Variants in CSMD3 observed in about 807,000 individuals in gnomAD.
CSMD3 encodes CUB and sushi domain-containing protein 3.
Under a neutral mutation model 435.2 loss-of-function variants are expected in CSMD3, and 177 were observed. The observed-to-expected ratio is 0.41, with a 90% CI of 0.36 to 0.46. The LOEUF (loss-of-function observed/expected upper bound fraction) is 0.46. Among genes scored for constraint, CSMD3 ranks in the 20% least tolerant of loss-of-function variants. The probability of loss-of-function intolerance (pLI) is 0.34; values close to 1 mark genes in which losing one functional copy is unlikely to be tolerated. For synonymous variants in CSMD3, 1,656 were observed against 1,520.5 expected, an observed-to-expected ratio of 1.09 and a Z score of -2.07; for missense variants, 4,265 against 4,504.6, an observed-to-expected ratio of 0.95 and a Z score of 1.52.
intron 36 of CSMD3, among the ~76,000 whole-genome samples, chr8:112,385,590 A>C (rs1428106383): frequency 3.9e-5 from 6 of 152,184 alleles, no homozygotes; most frequent in Non-Finnish European, 8.8e-5. Flanking sequence ...GTAATATTTC[A>C]ATATGTATTG....
intron 3 of CSMD3, among the ~76,000 whole-genome samples, chr8:113,211,467 A>C (rs2092833685): frequency 6.6e-6 from 1 of 152,122 alleles, no homozygotes; most frequent in Non-Finnish European, 1.5e-5. Flanking sequence ...AACAAAATGG[A>C]TCACTTGAGG....
chr8:112,850,614 C>A (rs1016408358), intron 11 of CSMD3, among the ~76,000 whole-genome samples: 8 of 152,284 alleles, frequency 5.3e-5, no homozygotes, highest in Admixed American at 3.3e-4. Flanking sequence ...TGAAACAGAT[C>A]ATAGTTTTTG....
intron 4 of CSMD3, among the ~76,000 whole-genome samples, chr8:113,103,608 T>C (rs571184609): frequency 4.6e-5 from 7 of 152,246 alleles, no homozygotes; most frequent in East Asian, 1.9e-4. Flanking sequence ...TCTTAGTGAA[T>C]TTAAATCTAT....
intron 5 of CSMD3, among the ~76,000 whole-genome samples, chr8:113,097,470 T>C (rs565455383): frequency 1.3e-5 from 2 of 152,134 alleles, no homozygotes; most frequent in South Asian, 4.1e-4. Flanking sequence ...GTATCATCCT[T>C]CTAAGTCCAG....
chr8:112,473,534 T>C lies in CSMD3; in HGVS notation c.5279-827A>G, dbSNP rs149521322. Among the ~76,000 whole-genome samples the C allele has an allele frequency of 2.3e-3, 344 of 152,082 alleles. 4 individuals carry two copies. The highest frequency in any genetic ancestry group is 7.9e-3 in the African/African-American group (326 of 41,516). On this transcript the variant is annotated intron_variant, in intron 31 of 70. Transcript: ENST00000297405. ...CCAAAGGTTTAAAATCAGATAAAGA[T>C]TGGGTAGCTACAGAGAAATTATTAT...
chr8:113,153,461 T>A (rs2091872579), intron 4 of CSMD3, among the ~76,000 whole-genome samples: 1 of 152,042 alleles, frequency 6.6e-6, no homozygotes, highest in Non-Finnish European at 1.5e-5. Flanking sequence ...TAATGGGCAG[T>A]GGGACTATGA....
At chr8:112,950,762 G>T (rs532663636) in intron 8 of CSMD3, among the ~76,000 whole-genome samples, 3 of 151,944 alleles carry the variant, frequency 2.0e-5, no homozygotes, top group Non-Finnish European at 4.4e-5. Flanking sequence ...CAGGCAGTCT[G>T]ATTTGAGAAA....
intron 3 of CSMD3, among the ~76,000 whole-genome samples, chr8:113,268,044 A>G (rs2093486794): frequency 6.6e-6 from 1 of 151,762 alleles, no homozygotes; most frequent in African/African-American, 2.4e-5. Flanking sequence ...TCCATAATAA[A>G]TGATTCCTAA....
At chr8:112,291,836 T>G in intron 55 of CSMD3, 141 bp from the exon 56 acceptor site, 1 of 630,196 alleles carries the variant, frequency 1.6e-6, no homozygotes. Flanking sequence ...ATTAATCCCA[T>G]GGATTATCTA....
intron 24 of CSMD3, among the ~76,000 whole-genome samples, chr8:112,569,946 A>T (rs1829374273): frequency 6.6e-6 from 1 of 152,154 alleles, no homozygotes. Flanking sequence ...TGATTCTGTC[A>T]ATGTGAGTAC....
At chr8:113,001,643 G>A (rs2085868095) in intron 6 of CSMD3, among the ~76,000 whole-genome samples, 1 of 151,954 alleles carries the variant, frequency 6.6e-6, no homozygotes, top group Non-Finnish European at 1.5e-5. Flanking sequence ...TCTTTGGTCT[G>A]TTTAATGTGT....
chr8:112,398,068 G>A (rs1203772509), intron 35 of CSMD3, among the ~76,000 whole-genome samples: 1 of 152,122 alleles, frequency 6.6e-6, no homozygotes, highest in Non-Finnish European at 1.5e-5. Flanking sequence ...GACAGGCACG[G>A]GACAGATATT....
intron 63 of CSMD3, 42 bp from the exon 64 acceptor site, chr8:112,247,173 C>A (rs1186346191): frequency 8.2e-7 from 1 of 1,221,482 alleles, no homozygotes; most frequent in Admixed American, 1.7e-5. Flanking sequence ...TCCCCTACAA[C>A]TTCAAATATG....
chr8:113,193,352 T>A (rs2092611893), intron 3 of CSMD3, among the ~76,000 whole-genome samples: 1 of 151,400 alleles, frequency 6.6e-6, no homozygotes, highest in Admixed American at 6.6e-5. Context: ...TTTCAAGCAA[T>A]CTTCCTGCTT....
At chr8:112,550,933 A>G in intron 26 of CSMD3, 60 bp from the exon 27 acceptor site, 11 of 1,263,646 alleles carry the variant, frequency 8.7e-6, no homozygotes, top group Non-Finnish European at 1.0e-5. Flanking sequence ...TAAAGAAAAA[A>G]TAGAACAAAT....
At chr8:112,532,491 G>A (rs2198362) in intron 27 of CSMD3, among the ~76,000 whole-genome samples, 32,102 of 151,984 alleles carry the variant, frequency 0.21, 4,092 homozygotes, top group East Asian at 0.47. Context: ...ACATATCAAT[G>A]AGCTATGATA....
At chr8:112,289,304 A>G (rs562220018) in intron 57 of CSMD3, 61 bp downstream of exon 57, 314 of 1,255,104 alleles carry the variant, frequency 2.5e-4, no homozygotes, top group Non-Finnish European at 3.4e-4. Context: ...ATACGTTGCT[A>G]CTACTACTAC....
At chr8:112,423,057 G>T (rs1187673724) in intron 32 of CSMD3, among the ~76,000 whole-genome samples, 1 of 152,104 alleles carries the variant, frequency 6.6e-6, no homozygotes, top group African/African-American at 2.4e-5. Flanking sequence ...GTGTATTGCT[G>T]AAGGAACACA....
intron 1 of CSMD3, among the ~76,000 whole-genome samples, chr8:113,337,337 A>T (rs2094084159): frequency 6.6e-6 from 1 of 152,126 alleles, no homozygotes; most frequent in Non-Finnish European, 1.5e-5. Flanking sequence ...ATATTCCTGG[A>T]AGAGCAAGTC....
Sources: gnomAD v4.1 joint callset for allele counts (sites outside exome capture counted in the v4.1 genomes callset) on GRCh38, gnomAD v4.1.1 for gene constraint, MANE v1.5 for transcripts, NCBI Gene and HGNC (gene_info 2026-07-23, HGNC 2026-07-21) for gene names.